Variants in ASIC2 observed in about 807,000 individuals in gnomAD.
ASIC2 encodes acid-sensing ion channel 2.
ASIC2 carries 25 observed loss-of-function variants against 57.3 expected under a neutral mutation model. That is an observed-to-expected ratio of 0.44 (90% CI 0.32 to 0.61). The LOEUF (loss-of-function observed/expected upper bound fraction) is 0.61, where lower values mean the gene tolerates loss of function less well. ASIC2 is among the 20% of genes least tolerant of loss of function. ASIC2 has a pLI of 0.06. For synonymous variants in ASIC2, 319 were observed against 307.5 expected, an observed-to-expected ratio of 1.04 and a Z score of -0.39; for missense variants, 641 against 738.1, an observed-to-expected ratio of 0.87 and a Z score of 1.52.
chr17:33,673,279 A>G (rs1907696206), intron 1 of ASIC2, among the ~76,000 whole-genome samples: 1 of 152,210 alleles, frequency 6.6e-6, no homozygotes, highest in Non-Finnish European at 1.5e-5. Flanking sequence ...TGAGGAGGGC[A>G]GAGGAGGCAA....
chr17:33,611,020 G>T (rs1905389878), intron 1 of ASIC2, among the ~76,000 whole-genome samples: 1 of 152,170 alleles, frequency 6.6e-6, no homozygotes, highest in African/African-American at 2.4e-5. Flanking sequence ...CTGATTTCTG[G>T]GAATTGGTGT....
At chr17:34,124,294 T>C (rs994617432) in intron 1 of ASIC2, among the ~76,000 whole-genome samples, 8 of 152,158 alleles carry the variant, frequency 5.3e-5, no homozygotes, top group Non-Finnish European at 8.8e-5. Context: ...TTTAATATAC[T>C]TTCTAAGCAG....
At chr17:34,061,989 A>T (rs1037278524) in intron 1 of ASIC2, among the ~76,000 whole-genome samples, 1 of 152,210 alleles carries the variant, frequency 6.6e-6, no homozygotes, top group African/African-American at 2.4e-5. Flanking sequence ...GTCAGCAAGG[A>T]AACAATGGAT....
chr17:33,308,552 G>A lies in ASIC2; in HGVS notation c.556-196485C>T, dbSNP rs116696146. Among the ~76,000 whole-genome samples the A allele has an allele frequency of 3.4e-4, 52 of 152,284 alleles. 1 individual carries two copies. Among genetic ancestry groups the A allele is most frequent in the African/African-American group, 1.1e-3 (45 of 41,566 alleles). On this transcript the variant is annotated intron_variant, in intron 1 of 9. Coordinates refer to the ASIC2 transcript ENST00000359872. ...CCAGAAACCAAATTCTGGTTCTAGA[G>A]CCTTGTTCAGTGCGTGGAATACTGT...
chr17:33,607,638 C>T (rs984115122), intron 1 of ASIC2, among the ~76,000 whole-genome samples: 4 of 152,198 alleles, frequency 2.6e-5, no homozygotes, highest in East Asian at 1.9e-4. Flanking sequence ...GAAACAGTGG[C>T]GGCATCTGTC....
chr17:34,024,264 A>G (rs910339307), intron 1 of ASIC2, among the ~76,000 whole-genome samples: 1 of 152,214 alleles, frequency 6.6e-6, no homozygotes, highest in South Asian at 2.1e-4. Flanking sequence ...CAGCCTCTTC[A>G]TGTTCCCAAC....
At chr17:34,039,453 C>T (rs1048233) in intron 1 of ASIC2, 12 of 1,613,516 alleles carry the variant, frequency 7.4e-6, no homozygotes, top group Admixed American at 5.0e-5. Context: ...ACTGCTCCTC[C>T]GTTGCCTCCT....
intron 1 of ASIC2, among the ~76,000 whole-genome samples, chr17:33,597,610 T>C (rs1905020834): frequency 6.6e-6 from 1 of 152,178 alleles, no homozygotes; most frequent in Non-Finnish European, 1.5e-5. Flanking sequence ...TAATTCTATA[T>C]AAAAACTCCT....
chr17:33,392,707 C>T (rs1159099685), intron 1 of ASIC2, among the ~76,000 whole-genome samples: 2 of 152,182 alleles, frequency 1.3e-5, no homozygotes, highest in Non-Finnish European at 1.5e-5. Context: ...CTGGCTAGGT[C>T]TTGCACAGGA....
intron 1 of ASIC2, among the ~76,000 whole-genome samples, chr17:33,844,097 TG>T (rs1264385754): frequency 9.1e-6 from 1 of 110,160 alleles, no homozygotes; most frequent in Admixed American, 8.9e-5. Context: ...TAAGCTCTGG[TG>T]TATATGTATA....
intron 1 of ASIC2, among the ~76,000 whole-genome samples, chr17:33,383,161 A>G (rs951091036): frequency 2.6e-5 from 4 of 152,222 alleles, no homozygotes; most frequent in African/African-American, 9.6e-5. Context: ...TAGAGTTAGT[A>G]TCTCCTATGT....
intron 1 of ASIC2, among the ~76,000 whole-genome samples, chr17:34,064,437 T>C (rs1598002198): frequency 6.6e-6 from 1 of 152,154 alleles, no homozygotes; most frequent in African/African-American, 2.4e-5. Flanking sequence ...GAAGGTAATA[T>C]TGGAACAACC....
At chr17:33,969,980 A>G (rs1905180401) in intron 1 of ASIC2, among the ~76,000 whole-genome samples, 1 of 152,126 alleles carries the variant, frequency 6.6e-6, no homozygotes, top group East Asian at 1.9e-4. Context: ...GTCTTACACC[A>G]CACAGCTGCC....
At chr17:33,354,962 A>T (rs1425977986) in intron 1 of ASIC2, among the ~76,000 whole-genome samples, 2 of 152,160 alleles carry the variant, frequency 1.3e-5, no homozygotes, top group Non-Finnish European at 2.9e-5. Context: ...GGCTGCCCTT[A>T]ACAGACTGGG....
intron 1 of ASIC2, among the ~76,000 whole-genome samples, chr17:33,967,516 T>G (rs564089181): frequency 3.9e-5 from 6 of 152,340 alleles, no homozygotes; most frequent in African/African-American, 1.2e-4. Flanking sequence ...ATTACAGGTA[T>G]AAGCCATCAC....
At chr17:33,476,726 G>A (rs562768482) in intron 1 of ASIC2, among the ~76,000 whole-genome samples, 2 of 152,032 alleles carry the variant, frequency 1.3e-5, no homozygotes, top group Admixed American at 1.3e-4. Context: ...CCCTGTGGGA[G>A]GCCCAGATGA....
chr17:34,091,321 T>A (rs1330872861), intron 1 of ASIC2, among the ~76,000 whole-genome samples: 1 of 152,228 alleles, frequency 6.6e-6, no homozygotes, highest in East Asian at 1.9e-4. Context: ...GCAGTTTATG[T>A]AAAAACAAGA....
At chr17:33,439,864 C>T (rs1911764012) in intron 1 of ASIC2, among the ~76,000 whole-genome samples, 1 of 152,164 alleles carries the variant, frequency 6.6e-6, no homozygotes, top group Non-Finnish European at 1.5e-5. Context: ...GTCTGCCAGG[C>T]AAGGACAAGG....
intron 1 of ASIC2, chr17:33,793,347 T>C (rs1911825355): frequency 6.6e-6 from 1 of 152,262 alleles, no homozygotes; most frequent in Non-Finnish European, 1.5e-5. Context: ...TGCAATGAGC[T>C]GCAGATACTA....
Sources: gnomAD v4.1 joint callset for allele counts (sites outside exome capture counted in the v4.1 genomes callset) on GRCh38, gnomAD v4.1.1 for gene constraint, MANE v1.5 for transcripts, NCBI Gene and HGNC (gene_info 2026-07-23, HGNC 2026-07-21) for gene names.